Variants in CRYBG1 observed in about 807,000 individuals in gnomAD.
CRYBG1 encodes beta/gamma crystallin domain-containing protein 1.
CRYBG1 carries 139 observed loss-of-function variants against 189.2 expected under a neutral mutation model. The ratio of observed to expected loss-of-function variants is 0.73; its 90% CI spans 0.64 to 0.85. The LOEUF is 0.85. CRYBG1 is among the 40% of genes least tolerant of loss of function. The pLI, the probability that CRYBG1 is intolerant of heterozygous loss-of-function variation, is 0.00. For missense variants in CRYBG1, 2,611 were observed against 2,675.8 expected (o/e 0.98, Z 0.53); for synonymous variants, 1,023 against 1,017.1 (o/e 1.01, Z -0.11).
At chr6:106,410,069 C>G (rs774116002) in intron 1 of CRYBG1, among the ~76,000 whole-genome samples, 4 of 152,124 alleles carry the variant, frequency 2.6e-5, no homozygotes, top group Non-Finnish European at 5.9e-5. Context: ...AAGATACTAC[C>G]ATCAGAGTGA....
intron 2 of CRYBG1, among the ~76,000 whole-genome samples, chr6:106,481,375 C>T (rs11970550): frequency 0.05 from 7,644 of 152,172 alleles, 651 homozygotes; most frequent in African/African-American, 0.17. Context: ...AGAACAACTA[C>T]CAAACCTTAC....
intron 1 of CRYBG1, among the ~76,000 whole-genome samples, chr6:106,381,297 A>G (rs803520): frequency 0.36 from 54,979 of 152,052 alleles, 10,459 homozygotes; most frequent in South Asian, 0.53. Context: ...CTTTCTTTAC[A>G]GGTTTGAATC....
At position 106,504,707 on chromosome 6, in the gene CRYBG1, T is replaced by A. The variant is rs562537940; in HGVS notation, c.313-6723T>A. ...GAACAGGCCACATATATTATCCCAA[T>A]CAATATCAGAAAGGAAAACACAAAC... On this transcript the variant is annotated intron_variant, in intron 2 of 21. Transcript: ENST00000633556. Among the ~76,000 whole-genome samples the A allele has an allele frequency of 3.9e-5, 6 of 152,158 alleles. No individual in the cohort carries two copies. In the South Asian group the frequency reaches 1.2e-3, roughly 32 times the overall value.
At chr6:106,463,729 G>A (rs1562314214) in intron 2 of CRYBG1, among the ~76,000 whole-genome samples, 1 of 152,150 alleles carries the variant, frequency 6.6e-6, no homozygotes, top group Non-Finnish European at 1.5e-5. Flanking sequence ...GCAGGAAAGG[G>A]ATTTAGTATT....
chr6:106,409,046 T>TGAG (rs1277975431), intron 1 of CRYBG1, among the ~76,000 whole-genome samples: 3 of 152,100 alleles, frequency 2.0e-5, no homozygotes, highest in African/African-American at 7.2e-5. Flanking sequence ...GAGAAAGAAA[T>TGAG]AAAGTGTATT....
At chr6:106,378,555 A>G (rs1173820914) in intron 1 of CRYBG1, among the ~76,000 whole-genome samples, 1 of 152,172 alleles carries the variant, frequency 6.6e-6, no homozygotes, top group Non-Finnish European at 1.5e-5. Flanking sequence ...TACAGACACT[A>G]CGTATTTCAG....
At chr6:106,390,032 A>G (rs931877711) in intron 1 of CRYBG1, among the ~76,000 whole-genome samples, 1 of 152,110 alleles carries the variant, frequency 6.6e-6, no homozygotes, top group Non-Finnish European at 1.5e-5. Context: ...TTTTAATTGG[A>G]AATAATCCCT....
At chr6:106,524,572 A>C (rs1367590478) in intron 4 of CRYBG1, among the ~76,000 whole-genome samples, 1 of 152,202 alleles carries the variant, frequency 6.6e-6, no homozygotes, top group African/African-American at 2.4e-5. Context: ...AAAAGAAAAA[A>C]AAGGGGGATT....
At chr6:106,431,524 T>G (rs1490642815) in intron 1 of CRYBG1, among the ~76,000 whole-genome samples, 1 of 152,040 alleles carries the variant, frequency 6.6e-6, no homozygotes. Context: ...TAAGATGAGA[T>G]TATAAACCTA....
intron 1 of CRYBG1, among the ~76,000 whole-genome samples, chr6:106,413,662 G>A (rs746987948): frequency 5.3e-5 from 8 of 151,312 alleles, no homozygotes; most frequent in Non-Finnish European, 7.4e-5. Flanking sequence ...GGGTGACAAC[G>A]GTGAGATTTT....
At chr6:106,566,566 G>A (rs1193638910) in intron 21 of CRYBG1, among the ~76,000 whole-genome samples, 3 of 145,012 alleles carry the variant, frequency 2.1e-5, no homozygotes, top group Non-Finnish European at 4.5e-5. Flanking sequence ...CCGCCTCCTG[G>A]GTTCAAGCAA....
chr6:106,379,451 C>T (rs9285391), intron 1 of CRYBG1, among the ~76,000 whole-genome samples: 58,281 of 150,578 alleles, frequency 0.39, 11,421 homozygotes, highest in South Asian at 0.53. Context: ...TTAGTAGAGA[C>T]GGGGTTTCAC....
At chr6:106,501,934 A>G (rs1001611517) in intron 2 of CRYBG1, among the ~76,000 whole-genome samples, 5 of 152,200 alleles carry the variant, frequency 3.3e-5, no homozygotes, top group Non-Finnish European at 7.3e-5. Context: ...TGAGGTCTCA[A>G]GGTCACTAGA....
At chr6:106,553,603 TG>T in intron 16 of CRYBG1, 36 bp downstream of exon 16, 1 of 1,382,766 alleles carries the variant, frequency 7.2e-7, no homozygotes, top group Non-Finnish European at 1.0e-6. Context: ...GCTGAATCAC[TG>T]GAGTAAAACA....
Position 106,527,394 on chromosome 6 carries a change from A to G in CRYBG1, c.4502A>G (p.Glu1501Gly). The part of the protein sequence containing the change: ...ELELSGLWGI[E>G]DILERHEEAE... ...GAACTCTCTGGTCTCTGGGGTATAG[A>G]AGACATTTTGGAAAGGCACGAAGAA... The change falls in exon 7 of 22, where the codon GAA (glutamate) becomes GGA (glycine). Residue 1501 changes from glutamate (E) to glycine (G), a missense_variant. Physicochemically the swap from Glu to Gly is moderately conservative, Grantham distance 98 (BLOSUM62 -2). Coordinates refer to ENST00000633556, the MANE Select transcript of CRYBG1 (RefSeq NM_001371242.2). The G allele has an allele frequency of 6.2e-7, 1 of 1,613,878 alleles. No individual in the cohort carries two copies. The highest frequency in any genetic ancestry group is 8.5e-7 in the Non-Finnish European group (1 of 1,179,862).
At chr6:106,379,604 G>A (rs145699100) in intron 1 of CRYBG1, among the ~76,000 whole-genome samples, 14 of 151,878 alleles carry the variant, frequency 9.2e-5, no homozygotes, top group East Asian at 2.0e-4. Flanking sequence ...CTGTCATCCC[G>A]GCTGAAGTGC....
In CRYBG1 at chr6:106,426,469, A is replaced by G. The variant is rs144603785; in HGVS notation, c.174-25225A>G. The stretch of plus-strand genomic sequence containing the variant: ...TGCTATTTTCGTTTCCTCTTATCCC[A>G]CTTTCTTCCCCTTTCTGATTGGAAC... On this transcript the variant is annotated intron_variant, in intron 1 of 21. Coordinates refer to ENST00000633556, the MANE Select transcript of CRYBG1 (RefSeq NM_001371242.2). Among the ~76,000 whole-genome samples the G allele has an allele frequency of 1.1e-3, 167 of 152,128 alleles. 1 individual carries two copies. The highest frequency in any genetic ancestry group is 3.8e-3 in the African/African-American group (156 of 41,478).
chr6:106,494,611 C>T (rs1310572847), intron 2 of CRYBG1, among the ~76,000 whole-genome samples: 4 of 152,076 alleles, frequency 2.6e-5, no homozygotes, highest in African/African-American at 9.7e-5. Flanking sequence ...ATGTAACTTG[C>T]TATCAAGTAC....
chr6:106,418,191 C>T (rs1306258457), intron 1 of CRYBG1, among the ~76,000 whole-genome samples: 1 of 152,248 alleles, frequency 6.6e-6, no homozygotes, highest in Non-Finnish European at 1.5e-5. Context: ...AAAGTCCCCC[C>T]AATGTGGCTG....
Sources: allele counts gnomAD v4.1 joint callset (sites outside exome capture counted in the v4.1 genomes callset), GRCh38; gene constraint gnomAD v4.1.1; transcripts MANE v1.5; gene names NCBI Gene and HGNC (gene_info 2026-07-23, HGNC 2026-07-21).